Variants in ZNF385B observed in about 807,000 individuals in gnomAD.
The protein encoded by ZNF385B is zinc finger protein 385B, also known as zinc finger protein 533.
ZNF385B carries 23 observed loss-of-function variants against 39.2 expected under a neutral mutation model. That is an observed-to-expected ratio of 0.59 (90% CI 0.42 to 0.83). The LOEUF is 0.83. ZNF385B is among the 40% of genes least tolerant of loss of function. ZNF385B has a pLI of 0.00. For synonymous variants in ZNF385B, 205 were observed against 222.6 expected (o/e 0.92, Z 0.70); for missense variants, 552 against 598.9 (o/e 0.92, Z 0.82).
At chr2:179,780,973 T>C (rs2106523202) in intron 1 of ZNF385B, among the ~76,000 whole-genome samples, 2 of 152,264 alleles carry the variant, frequency 1.3e-5, no homozygotes, top group South Asian at 4.1e-4. Flanking sequence ...GTCAACAGAT[T>C]AAACTGGGAC....
intron 3 of ZNF385B, among the ~76,000 whole-genome samples, chr2:179,559,614 A>C (rs150860650): frequency 4.1e-4 from 62 of 151,822 alleles, no homozygotes; most frequent in African/African-American, 1.4e-3. Flanking sequence ...TAGTCATCAA[A>C]ATTTTTACTT....
intron 2 of ZNF385B, 53 bp from the exon 3 acceptor site, chr2:179,769,855 C>T: frequency 6.8e-7 from 1 of 1,476,776 alleles, no homozygotes; most frequent in South Asian, 1.3e-5. Context: ...GCCTTATTTT[C>T]TAGTATGATT....
chr2:179,647,066 C>A (rs917519790), intron 3 of ZNF385B, among the ~76,000 whole-genome samples: 2 of 152,184 alleles, frequency 1.3e-5, no homozygotes, highest in Non-Finnish European at 1.5e-5. Context: ...CCCAGCAGCA[C>A]AAACCTCCCA....
intron 3 of ZNF385B, among the ~76,000 whole-genome samples, chr2:179,632,327 A>G (rs897742155): frequency 1.3e-5 from 2 of 152,228 alleles, no homozygotes; most frequent in African/African-American, 4.8e-5. Context: ...CAAATGTAAA[A>G]GAATTGATAT....
intron 1 of ZNF385B, among the ~76,000 whole-genome samples, chr2:179,840,204 G>A (rs545433296): frequency 6.6e-6 from 1 of 152,290 alleles, no homozygotes; most frequent in Non-Finnish European, 1.5e-5. Flanking sequence ...GTGATCCCCC[G>A]GCACAGCCTG....
intron 1 of ZNF385B, among the ~76,000 whole-genome samples, chr2:179,821,136 T>C (rs1334110467): frequency 1.3e-5 from 2 of 152,196 alleles, no homozygotes; most frequent in East Asian, 3.8e-4. Context: ...CAAATCTTCC[T>C]GCAGCTGACC....
intron 1 of ZNF385B, chr2:179,860,860 C>G (rs1215576320): frequency 2.6e-6 from 1 of 382,750 alleles, no homozygotes; most frequent in African/African-American, 2.2e-5. Flanking sequence ...CGACCTAATC[C>G]TAACTCCAGG....
intron 6 of ZNF385B, among the ~76,000 whole-genome samples, chr2:179,448,606 A>G (rs1456153130): frequency 6.6e-6 from 1 of 152,150 alleles, no homozygotes; most frequent in Non-Finnish European, 1.5e-5. Flanking sequence ...TTGTCTTATT[A>G]GCTCTCACAG....
intron 3 of ZNF385B, among the ~76,000 whole-genome samples, chr2:179,632,255 T>C (rs917666769): frequency 3.9e-5 from 6 of 152,226 alleles, no homozygotes; most frequent in Non-Finnish European, 1.5e-5. Context: ...TACATTCTTC[T>C]CAGCACCACA....
chr2:179,443,262 A>G lies in ZNF385B; in HGVS notation c.1449T>C (p.Phe483=), dbSNP rs2049121773. 6.2e-7 allele frequency: 1 copy of G among 1,612,296 alleles called. No homozygotes were observed. The highest frequency in any genetic ancestry group is 1.3e-5 in the African/African-American group (1 of 74,882). ...GGGTTTGCAGACGTTAGTACGGAGC[A>G]AAGAGGATGGAGGCAGGAGTGGCGC... ...PIRATPASIL[F]APY The change falls in exon 10 of 10, where the codon TTT becomes TTC. Residue 483 remains phenylalanine, a synonymous_variant. Coordinates refer to ENST00000410066, the MANE Select transcript of ZNF385B (RefSeq NM_152520.6).
At chr2:179,722,374 A>C (rs190921262) in intron 3 of ZNF385B, among the ~76,000 whole-genome samples, 26 of 152,268 alleles carry the variant, frequency 1.7e-4, no homozygotes, top group African/African-American at 5.5e-4. Context: ...ATATTAACAT[A>C]TTATGACATT....
chr2:179,823,005 T>A (rs1471943183), intron 1 of ZNF385B, among the ~76,000 whole-genome samples: 2 of 152,168 alleles, frequency 1.3e-5, no homozygotes, highest in Admixed American at 6.6e-5. Context: ...CATCTAAAGA[T>A]GGGTTCTCTT....
chr2:179,456,735 T>G (rs1343289217), intron 6 of ZNF385B, among the ~76,000 whole-genome samples: 1 of 152,122 alleles, frequency 6.6e-6, no homozygotes, highest in Non-Finnish European at 1.5e-5. Context: ...CAATTATATC[T>G]TACAATAATG....
intron 5 of ZNF385B, 53 bp downstream of exon 5, chr2:179,518,475 T>C: frequency 7.8e-7 from 1 of 1,277,990 alleles, no homozygotes; most frequent in Non-Finnish European, 1.1e-6. Context: ...TTTAGATCAA[T>C]CAGACTTTTA....
chr2:179,592,016 C>T (rs184665736), intron 3 of ZNF385B, among the ~76,000 whole-genome samples: 1 of 152,300 alleles, frequency 6.6e-6, no homozygotes. Context: ...AATTAGGTAT[C>T]TTGTGATTAC....
chr2:179,833,337 G>T (rs1474067439), intron 1 of ZNF385B, among the ~76,000 whole-genome samples: 1 of 152,004 alleles, frequency 6.6e-6, no homozygotes, highest in Non-Finnish European at 1.5e-5. Flanking sequence ...ATAAGATGTG[G>T]TAGCTAGAAA....
rs569098448 is a variant in ZNF385B at position 179,808,094 on chromosome 2, G to A, written c.-154-37422C>T. ...GTCGCCCAGGCTGGAGTGCAGTGGC[G>A]GGATCTCAGCTCAATGCAAGCTCCG... On this transcript the variant is annotated intron_variant, in intron 1 of 9. Coordinates refer to ENST00000410066, the MANE Select transcript of ZNF385B (RefSeq NM_152520.6). Among the ~76,000 whole-genome samples, 30 of 151,596 alleles carry A rather than the reference G, an allele frequency of 2.0e-4. No homozygotes were observed. In the East Asian group the frequency reaches 2.2e-3, roughly 11 times the overall value.
intron 6 of ZNF385B, among the ~76,000 whole-genome samples, chr2:179,449,714 C>T (rs2049886594): frequency 6.6e-6 from 1 of 152,148 alleles, no homozygotes; most frequent in Non-Finnish European, 1.5e-5. Context: ...CCCCATCGAG[C>T]TACCAATGAC....
intron 3 of ZNF385B, among the ~76,000 whole-genome samples, chr2:179,741,924 G>A (rs1275008731): frequency 1.3e-5 from 2 of 151,708 alleles, no homozygotes; most frequent in African/African-American, 4.8e-5. Context: ...CCAGATGAAC[G>A]GGTAGGGGAG....
Sources: allele counts gnomAD v4.1 joint callset (sites outside exome capture counted in the v4.1 genomes callset), GRCh38; gene constraint gnomAD v4.1.1; transcripts MANE v1.5; gene names NCBI Gene and HGNC (gene_info 2026-07-23, HGNC 2026-07-21).